The following JMJD1C variants were observed in gnomAD, a reference collection of about 807,000 sequenced individuals.
The protein encoded by JMJD1C is jumonji domain-containing protein 1C.
Under a neutral mutation model 245.3 loss-of-function variants are expected in JMJD1C, and 31 were observed. That is an observed-to-expected ratio of 0.13 (90% CI 0.09 to 0.17). The LOEUF is 0.17. JMJD1C is among the 10% of genes least tolerant of loss of function. The pLI, the probability that JMJD1C is intolerant of heterozygous loss-of-function variation, is 1.00. For missense variants in JMJD1C, 2,691 were observed against 3,000.2 expected, an observed-to-expected ratio of 0.90 and a Z score of 2.41; for synonymous variants, 1,057 against 1,017.4, an observed-to-expected ratio of 1.04 and a Z score of -0.74.
At chr10:63,378,576 A>T (rs1394411637) in intron 2 of JMJD1C, among the ~76,000 whole-genome samples, 1 of 152,178 alleles carries the variant, frequency 6.6e-6, no homozygotes. Flanking sequence ...TGGGCAACAG[A>T]GTGAGACTCC....
chr10:63,171,287 GA>G (rs57138498), intron 24 of JMJD1C, among the ~76,000 whole-genome samples: 95,532 of 151,948 alleles, frequency 0.63, 32,779 homozygotes, highest in Non-Finnish European at 0.78. Flanking sequence ...TCTGTGGAGG[GA>G]TGTACAGGAG....
intron 8 of JMJD1C, among the ~76,000 whole-genome samples, chr10:63,212,154 G>A (rs1847439603): frequency 1.3e-5 from 2 of 152,168 alleles, no homozygotes; most frequent in African/African-American, 4.8e-5. Context: ...AAAGGTGGTT[G>A]CCAAGGGCTG....
chr10:63,424,497 C>CTTTTTTT (rs59823871), intron 1 of JMJD1C, among the ~76,000 whole-genome samples: 56 of 103,390 alleles, frequency 5.4e-4, no homozygotes, highest in East Asian at 6.7e-4. Context: ...ATTATTATTT[C>CTTTTTTT]TTTTTTTTTT....
At chr10:63,482,024 A>G (rs1469766512) in intron 1 of JMJD1C, among the ~76,000 whole-genome samples, 1 of 152,186 alleles carries the variant, frequency 6.6e-6, no homozygotes, top group Non-Finnish European at 1.5e-5. Context: ...TATGCCTTTC[A>G]TTTTATTTTT....
At position 63,214,058 on chromosome 10, in the gene JMJD1C, A is replaced by G; in HGVS notation, c.2109T>C (p.Leu703=). The part of the protein sequence containing the change: ...SSTLETTKSP[L]IIDKNEHFTV... ...TAAAATGCTCATTTTTATCAATGAT[A>G]AGAGGACTCTTTGTAGTTTCTAATG... Residue 703 remains leucine (L), a synonymous_variant, in exon 8 of 26, where the codon CTT becomes CTC. Coordinates refer to ENST00000399262, the MANE Select transcript of JMJD1C (RefSeq NM_032776.3). The G allele has an allele frequency of 1.2e-6, 2 of 1,614,160 alleles. No homozygotes were observed. Among genetic ancestry groups the G allele is most frequent in the Admixed American group, 3.3e-5 (2 of 60,024 alleles).
chr10:63,343,637 A>T (rs2134242305), intron 2 of JMJD1C, among the ~76,000 whole-genome samples: 1 of 152,306 alleles, frequency 6.6e-6, no homozygotes, highest in South Asian at 2.1e-4. Flanking sequence ...TCAACAACGG[A>T]CCACATATGA....
chr10:63,223,558 C>G (rs2133315865), intron 3 of JMJD1C, among the ~76,000 whole-genome samples: 1 of 152,106 alleles, frequency 6.6e-6, no homozygotes, highest in East Asian at 1.9e-4. Flanking sequence ...ATTGCCAACA[C>G]CGTGCAGACA....
At chr10:63,520,510 A>G (rs531529971) in intron 1 of JMJD1C, among the ~76,000 whole-genome samples, 4 of 152,238 alleles carry the variant, frequency 2.6e-5, no homozygotes, top group African/African-American at 7.2e-5. Context: ...TGTCACAAAA[A>G]AAAAAAAAAA....
At chr10:63,470,084 C>G (rs1002133833), upstream of JMJD1C, among the ~76,000 whole-genome samples, 3 of 152,058 alleles carry the variant, frequency 2.0e-5, no homozygotes, top group African/African-American at 7.2e-5. Context: ...AACAGATTTT[C>G]AAAACATGCC....
Position 63,198,718 on chromosome 10 carries a change from A to C in JMJD1C, c.5286T>G (p.Phe1762Leu). ...CTATTCTAACTACTCCGTTTTTACTAAATGACAACCTGAAATATTAAAACA... is the reference window on the plus strand; with the variant it reads ...CTATTCTAACTACTCCGTTTTTACTCAATGACAACCTGAAATATTAAAACA... ...CRFYYFRRLS[F>L]SKNGVVRIDG... is the part of the protein sequence containing the mutation. The change falls in exon 12 of 26, where the codon TTT becomes TTG. Residue 1762 changes from phenylalanine to leucine, a missense_variant. Phe to Leu is a conservative substitution (Grantham distance 22). Transcript: ENST00000399262. The C allele has an allele frequency of 6.3e-7, 1 of 1,585,832 alleles. No individual in the cohort carries two copies. The highest frequency in any genetic ancestry group is 8.6e-7 in the Non-Finnish European group (1 of 1,164,350).
rs759321451 is a variant in JMJD1C at position 63,198,544 on chromosome 10, T to C, written c.5460A>G (p.Glu1820=). 1.0e-5 allele frequency: 16 copies of C among 1,605,436 alleles called. 1 individual carries two copies. The South Asian group carries it at 1.8e-4, about 18-fold the overall frequency. The stretch of plus-strand genomic sequence containing the variant: ...TTTTCACCCAGGACAAAGCTGTTTT[T>C]TCAGATGTTACTAATTGACAGAACT... ...GDKFCQLVTS[E]KTALSWVKKD... The change falls in exon 12 of 26, where the codon GAA becomes GAG. Residue 1820 remains glutamate, a synonymous_variant. Transcript: ENST00000399262.
intron 3 of JMJD1C, chr10:63,222,972 T>C: frequency 6.9e-6 from 10 of 1,456,484 alleles, no homozygotes; most frequent in Non-Finnish European, 9.6e-6. Flanking sequence ...ATGTCAGCAG[T>C]GAGAGACGAG....
intron 2 of JMJD1C, among the ~76,000 whole-genome samples, chr10:63,336,545 T>C (rs1199750399): frequency 2.0e-5 from 3 of 152,070 alleles, no homozygotes; most frequent in African/African-American, 4.8e-5. Flanking sequence ...CACATCACGA[T>C]CCCTAAAGCT....
At chr10:63,515,851 C>A (rs1235884322) in intron 1 of JMJD1C, among the ~76,000 whole-genome samples, 12 of 152,030 alleles carry the variant, frequency 7.9e-5, no homozygotes. Flanking sequence ...AAAAATCAGA[C>A]AAAAAACCCT....
At chr10:63,394,048 G>T (rs369355649) in intron 1 of JMJD1C, among the ~76,000 whole-genome samples, 2 of 152,168 alleles carry the variant, frequency 1.3e-5, no homozygotes, top group East Asian at 3.9e-4. Context: ...AGCAGGGACT[G>T]GTAGTGTGCG....
chr10:63,389,166 A>C lies in JMJD1C; in HGVS notation c.169-8684T>G, dbSNP rs546261031. 1.4e-4 allele frequency among the ~76,000 whole-genome samples: 22 copies of C among 152,094 alleles called. No individual in the cohort carries two copies. In the South Asian group the frequency reaches 4.4e-3, roughly 30 times the overall value. On this transcript the variant is annotated intron_variant, in intron 1 of 25. Transcript: ENST00000399262. Reference sequence around the variant, plus strand: ...TGGTGAAACCCTATCTCTACTAAAAATACAAAAATTGGTGACATGCCTGTA... The same window carrying C: ...TGGTGAAACCCTATCTCTACTAAAACTACAAAAATTGGTGACATGCCTGTA...
At chr10:63,187,187 G>A (rs966751805) in intron 18 of JMJD1C, among the ~76,000 whole-genome samples, 1 of 151,662 alleles carries the variant, frequency 6.6e-6, no homozygotes, top group Non-Finnish European at 1.5e-5. Context: ...TTTACTACAT[G>A]GTTGAATGTT....
chr10:63,421,003 A>T (rs1401782206), intron 1 of JMJD1C, among the ~76,000 whole-genome samples: 1 of 152,160 alleles, frequency 6.6e-6, no homozygotes, highest in Non-Finnish European at 1.5e-5. Flanking sequence ...CAAAAAAATG[A>T]AAAACACACT....
At chr10:63,362,597 A>C (rs1945484066) in intron 2 of JMJD1C, among the ~76,000 whole-genome samples, 1 of 152,024 alleles carries the variant, frequency 6.6e-6, no homozygotes, top group African/African-American at 2.4e-5. Flanking sequence ...CTCCCGCCTC[A>C]GCCTCCCAAG....
Sources: allele counts gnomAD v4.1 joint callset (sites outside exome capture counted in the v4.1 genomes callset), GRCh38; gene constraint gnomAD v4.1.1; transcripts MANE v1.5; gene names NCBI Gene and HGNC (gene_info 2026-07-23, HGNC 2026-07-21).